SPECC1L: variants seen among roughly 807,000 people sequenced by gnomAD.
SPECC1L encodes the protein cytospin-A.
In SPECC1L, 40 loss-of-function variants were observed where a neutral mutation model predicts 116.8. The observed-to-expected ratio is 0.34, with a 90% CI of 0.27 to 0.45. The LOEUF (loss-of-function observed/expected upper bound fraction) is 0.45, where lower values mean the gene tolerates loss of function less well. Among genes scored for constraint, SPECC1L ranks in the 20% least tolerant of loss-of-function variants. The pLI is 1.00. For synonymous variants in SPECC1L, 504 were observed against 500.6 expected (o/e 1.01, Z -0.09); for missense variants, 1,110 against 1,373.6 (o/e 0.81, Z 3.03).
At chr22:24,332,694 C>T (rs2040962567) in intron 8 of SPECC1L, among the ~76,000 whole-genome samples, 1 of 151,750 alleles carries the variant, frequency 6.6e-6, no homozygotes, top group Non-Finnish European at 1.5e-5. Context: ...AGCCCTGTTA[C>T]TCTTCTTACT....
intron 14 of SPECC1L, among the ~76,000 whole-genome samples, chr22:24,388,255 C>A (rs1327906031): frequency 7.5e-6 from 1 of 133,398 alleles, no homozygotes; most frequent in Non-Finnish European, 1.6e-5. Context: ...ACAACAGGCC[C>A]CTGTGTGTTA....
Position 24,365,620 on chromosome 22 carries a change from G to A in SPECC1L, c.2972G>A (p.Arg991Gln), listed in dbSNP as rs377157835. Residue 991 changes from arginine (R) to glutamine (Q), a missense_variant, in exon 13 of 17, where the codon CGA becomes CAA. Arg to Gln is a conservative substitution (Grantham distance 43, BLOSUM62 1). This residue lies in a region of SPECC1L where 575 missense variants were observed against 682.4 expected (regional missense o/e 0.84). Coordinates refer to ENST00000314328, the MANE Select transcript of SPECC1L (RefSeq NM_015330.6). The stretch of plus-strand genomic sequence containing the variant: ...ACGGCATCTGTGACTCCCACCACCC[G>A]AAGCCGAATAAGGTAGAGAACAGTT... ...SPTASVTPTT[R>Q]SRIREERKDP... The A allele has an allele frequency of 7.4e-6, 12 of 1,613,994 alleles. No homozygotes were observed. The highest frequency in any genetic ancestry group is 2.2e-5 in the South Asian group (2 of 91,088).
intron 14 of SPECC1L, among the ~76,000 whole-genome samples, chr22:24,395,427 C>T (rs1485824690): frequency 6.6e-6 from 1 of 152,080 alleles, no homozygotes; most frequent in East Asian, 1.9e-4. Context: ...CTGACACATA[C>T]AAGATGCCCC....
intron 14 of SPECC1L, among the ~76,000 whole-genome samples, chr22:24,381,062 TG>T (rs1410275232): frequency 3.9e-5 from 6 of 152,316 alleles, no homozygotes; most frequent in African/African-American, 1.4e-4. Context: ...TAGGGTTTGA[TG>T]GTACAAGGTT....
intron 4 of SPECC1L, among the ~76,000 whole-genome samples, chr22:24,316,376 TAAAC>T (rs2040565337): frequency 1.3e-5 from 2 of 150,764 alleles, no homozygotes; most frequent in Admixed American, 6.6e-5. Context: ...GGTCAGCAGA[TAAAC>T]AAGTGAACAA....
At chr22:24,363,519 G>A (rs1225476555) in intron 12 of SPECC1L, among the ~76,000 whole-genome samples, 175 bp downstream of exon 12, 1 of 152,126 alleles carries the variant, frequency 6.6e-6, no homozygotes, top group Non-Finnish European at 1.5e-5. Flanking sequence ...GAGCCACTGT[G>A]CCCGGCCTAG....
At chr22:24,368,707 C>T (rs749219843) in intron 13 of SPECC1L, among the ~76,000 whole-genome samples, 3 of 152,128 alleles carry the variant, frequency 2.0e-5, no homozygotes, top group African/African-American at 4.8e-5. Context: ...AGTGCAATGG[C>T]GTAATCTCAG....
At chr22:24,364,661 CAAAAAAA>C (rs57580257) in intron 12 of SPECC1L, among the ~76,000 whole-genome samples, 8 of 105,446 alleles carry the variant, frequency 7.6e-5, no homozygotes, top group African/African-American at 3.0e-4. Flanking sequence ...GACTCCCTCT[CAAAAAAA>C]AAAAAAAAAA....
chr22:24,275,024 C>T (rs184589350), intron 1 of SPECC1L, among the ~76,000 whole-genome samples: 288 of 136,114 alleles, frequency 2.1e-3, no homozygotes, highest in African/African-American at 5.7e-3. Context: ...TGTTTTCCTC[C>T]GATTAAATTA....
At chr22:24,293,473 G>A (rs1367178014) in intron 2 of SPECC1L, among the ~76,000 whole-genome samples, 1 of 151,794 alleles carries the variant, frequency 6.6e-6, no homozygotes, top group African/African-American at 2.4e-5. Flanking sequence ...ATAAAAGGGG[G>A]GAAAAAGAGA....
At chr22:24,312,410 T>C (rs2040479923) in intron 3 of SPECC1L, among the ~76,000 whole-genome samples, 1 of 152,236 alleles carries the variant, frequency 6.6e-6, no homozygotes, top group Admixed American at 6.5e-5. Context: ...TCTTACCTTG[T>C]AGAAATGAAT....
Position 24,416,976 on chromosome 22 carries a change from G to T in SPECC1L, c.*2353G>T, listed in dbSNP as rs115850493. The T allele has an allele frequency of 2.6e-5, 4 of 152,460 alleles. No individual in the cohort carries two copies. The highest frequency in any genetic ancestry group is 7.2e-5 in the African/African-American group (3 of 41,522). 9.4% of individuals were successfully genotyped at this position (152,460 alleles called of 1,614,324 possible). ...TTCCAGAAGCATTGCCTTTTGCCTC[G>T]TCTAATAGGATCCTTAGGACACTGT... On this transcript the variant is annotated 3_prime_UTR_variant, in exon 17 of 17. Coordinates refer to ENST00000314328, the MANE Select transcript of SPECC1L (RefSeq NM_015330.6).
At position 24,347,102 on chromosome 22, in the gene SPECC1L, G is replaced by C. The variant is rs1367224165; in HGVS notation, c.2669G>C (p.Gly890Ala). The C allele has an allele frequency of 6.2e-7, 1 of 1,613,804 alleles. No homozygotes were observed. The highest frequency in any genetic ancestry group is 1.7e-5 in the Admixed American group (1 of 60,014). ...TGATTTCAGAGACATTCCATAAGTG[G>C]ACCAATCTCAACATCCAAACCCCTG... ...VSPMQRHSIS[G>A]PISTSKPLTA... Residue 890 changes from glycine to alanine, a missense_variant, in exon 11 of 17, where the codon GGA becomes GCA. Gly to Ala is a moderately conservative substitution (Grantham distance 60). Around this residue, in one of 4 missense-constraint regions of SPECC1L, gnomAD observed 575 missense variants for 682.4 expected, o/e 0.84. Transcript: ENST00000314328.
rs1192619010 is a variant in SPECC1L, at chr22:24,322,423, A to G, written c.1443A>G (p.Glu481=). The change falls in exon 5 of 17, where the codon GAA becomes GAG. Residue 481 remains glutamate (E), a synonymous_variant. Coordinates refer to ENST00000314328, the MANE Select transcript of SPECC1L (RefSeq NM_015330.6). ...ATCACATTTCTTATGTCATAGATGA[A>G]GATGTAAAAAGTGGGCGCTATATGG... is the stretch of plus-strand genomic sequence containing the variant. ...DEHHISYVID[E]DVKSGRYMEL... 5 of 1,614,214 alleles carry G rather than the reference A, an allele frequency of 3.1e-6. No individual in the cohort carries two copies.
chr22:24,317,616 C>G (rs1164201394), intron 4 of SPECC1L, among the ~76,000 whole-genome samples: 1 of 149,204 alleles, frequency 6.7e-6, no homozygotes, highest in East Asian at 2.0e-4. Flanking sequence ...GGGGGCTGAT[C>G]CCCCCACCTC....
intron 2 of SPECC1L, among the ~76,000 whole-genome samples, chr22:24,285,653 GT>G (rs1556142935): frequency 2.2e-3 from 335 of 150,404 alleles, no homozygotes; most frequent in African/African-American, 6.0e-3. Context: ...GTTTTGTTTT[GT>G]TTTTTTTGAG....
rs972436371 is a variant in SPECC1L at position 24,318,115 on chromosome 22, G to C, written c.308-3173G>C. Reference sequence around the variant, plus strand: ...CAGAGACGCTCCTCACTTCCCAGACGGGGTGGGGCCGGGCAGAGGCTGCAA... The same window carrying C: ...CAGAGACGCTCCTCACTTCCCAGACCGGGTGGGGCCGGGCAGAGGCTGCAA... On this transcript the variant is annotated intron_variant, in intron 4 of 16. Coordinates refer to ENST00000314328, the MANE Select transcript of SPECC1L (RefSeq NM_015330.6). Among the ~76,000 whole-genome samples, 306 of 146,718 alleles carry C rather than the reference G, an allele frequency of 2.1e-3. 3 individuals are homozygous for C. The highest frequency in any genetic ancestry group is 8.0e-3 in the African/African-American group (291 of 36,448).
intron 6 of SPECC1L, among the ~76,000 whole-genome samples, chr22:24,327,522 A>G (rs1219220158): frequency 6.6e-6 from 1 of 152,084 alleles, no homozygotes; most frequent in African/African-American, 2.4e-5. Flanking sequence ...GCAGGTGTTC[A>G]CTATGCCTGA....
chr22:24,404,416 C>G (rs1352592150), intron 14 of SPECC1L, among the ~76,000 whole-genome samples: 1 of 152,234 alleles, frequency 6.6e-6, no homozygotes, highest in East Asian at 1.9e-4. Context: ...CACCCCTCAT[C>G]TGCTCAGTGC....
Sources: gnomAD v4.1 joint callset for allele counts (sites outside exome capture counted in the v4.1 genomes callset) on GRCh38, gnomAD v4.1.1 for gene constraint, gnomAD v4.1.1 regional missense constraint, MANE v1.5 for transcripts, NCBI Gene and HGNC (gene_info 2026-07-23, HGNC 2026-07-21) for gene names.